Variants in DPP10 observed in about 807,000 individuals in gnomAD.
The protein encoded by DPP10 is inactive dipeptidyl peptidase 10.
A neutral mutation model predicts 120.9 loss-of-function variants in DPP10; 33 were observed. The ratio of observed to expected loss-of-function variants is 0.27; its 90% CI spans 0.21 to 0.37. DPP10 has a LOEUF of 0.37. Among genes scored for constraint, DPP10 ranks in the 10% least tolerant of loss-of-function variants. The pLI is 1.00. For synonymous variants in DPP10, 337 were observed against 326.1 expected, an observed-to-expected ratio of 1.03 and a Z score of -0.36; for missense variants, 816 against 942.8, an observed-to-expected ratio of 0.87 and a Z score of 1.76.
intron 8 of DPP10, among the ~76,000 whole-genome samples, chr2:115,728,776 C>T (rs573575274): frequency 6.6e-6 from 1 of 152,200 alleles, no homozygotes; most frequent in Non-Finnish European, 1.5e-5. Context: ...TTCATTCACT[C>T]TTTCACTCAA....
intron 1 of DPP10, among the ~76,000 whole-genome samples, chr2:114,855,997 C>T (rs1470648683): frequency 2.0e-5 from 3 of 149,000 alleles, no homozygotes; most frequent in South Asian, 2.1e-4. Context: ...CTTCAATTGT[C>T]AAATAGTTTA....
At chr2:115,227,435 A>G (rs2057488845) in intron 1 of DPP10, among the ~76,000 whole-genome samples, 1 of 152,122 alleles carries the variant, frequency 6.6e-6, no homozygotes, top group Non-Finnish European at 1.5e-5. Flanking sequence ...TGTCAACTTC[A>G]TTGAAATGTA....
intron 1 of DPP10, among the ~76,000 whole-genome samples, chr2:114,882,482 G>A (rs112845173): frequency 2.2e-3 from 325 of 147,424 alleles, no homozygotes; most frequent in African/African-American, 7.5e-3. Flanking sequence ...TAAGAATAAT[G>A]TAATGGACTT....
At chr2:114,683,946 G>C (rs1258714116) in intron 1 of DPP10, among the ~76,000 whole-genome samples, 1 of 151,970 alleles carries the variant, frequency 6.6e-6, no homozygotes, top group East Asian at 1.9e-4. Flanking sequence ...CCACATGACA[G>C]AATATAAACT....
intron 1 of DPP10, among the ~76,000 whole-genome samples, chr2:115,146,254 G>T (rs908057095): frequency 1.3e-5 from 2 of 152,046 alleles, no homozygotes; most frequent in African/African-American, 2.4e-5. Context: ...ATTCTGAATT[G>T]TAAAATATTG....
intron 5 of DPP10, among the ~76,000 whole-genome samples, chr2:115,558,755 T>C (rs1301301689): frequency 1.3e-5 from 2 of 152,214 alleles, no homozygotes; most frequent in Non-Finnish European, 2.9e-5. Context: ...TATGATATTA[T>C]ACAACTGAGG....
At chr2:114,879,413 C>T (rs1367790576) in intron 1 of DPP10, among the ~76,000 whole-genome samples, 1 of 151,976 alleles carries the variant, frequency 6.6e-6, no homozygotes, top group Non-Finnish European at 1.5e-5. Context: ...CCTATTGGAC[C>T]AATTTATCTC....
chr2:115,691,185 C>G (rs1276778694), intron 7 of DPP10, among the ~76,000 whole-genome samples: 38 of 151,924 alleles, frequency 2.5e-4, no homozygotes, highest in Non-Finnish European at 4.4e-5. Flanking sequence ...CTATCTTCAT[C>G]CAGTTTTCGG....
chr2:114,619,222 T>TGACTTTTAAGGAAAAAAAGAAGTA (rs1384339883), intron 1 of DPP10, among the ~76,000 whole-genome samples: 11 of 152,014 alleles, frequency 7.2e-5, no homozygotes, highest in Admixed American at 7.2e-4. Context: ...ATTATAAGGG[T>TGACTTTTAAGGAAAAAAAGAAGTA]GACTTTTAAG....
chr2:115,666,321 C>G (rs536244570), intron 5 of DPP10, among the ~76,000 whole-genome samples: 1 of 152,118 alleles, frequency 6.6e-6, no homozygotes. Context: ...AAAAGGGAAG[C>G]AGGCACCTTC....
chr2:115,840,772 A>T lies in DPP10; in HGVS notation c.2205A>T (p.Ser735=). Residue 735 remains serine (S), a synonymous_variant, in exon 25 of 26, where the codon TCA becomes TCT. Coordinates refer to ENST00000410059, the MANE Select transcript of DPP10 (RefSeq NM_020868.6). ...CAGCAAAAGTTCATTTCCAACACTC[A>T]GCAGAATTAATCAAGCACCTAATAA... The part of the protein sequence containing the change: ...TADTKVHFQH[S]AELIKHLIKA... 6.2e-7 allele frequency: 1 copy of T among 1,613,846 alleles called. No individual in the cohort carries two copies. Among genetic ancestry groups the T allele is most frequent in the Non-Finnish European group, 8.5e-7 (1 of 1,179,898 alleles).
At chr2:115,805,207 G>A (rs898582417) in intron 19 of DPP10, among the ~76,000 whole-genome samples, 71 of 152,194 alleles carry the variant, frequency 4.7e-4, no homozygotes, top group East Asian at 5.8e-4. Context: ...AGCGAGGCTC[G>A]GTGGGCTTAG....
intron 1 of DPP10, among the ~76,000 whole-genome samples, chr2:114,828,159 C>T (rs1408803776): frequency 1.3e-5 from 2 of 152,084 alleles, no homozygotes; most frequent in Non-Finnish European, 2.9e-5. Context: ...GGAAATAAAA[C>T]ATGGAGAACA....
chr2:115,055,622 C>A (rs149870630), intron 1 of DPP10, among the ~76,000 whole-genome samples: 4 of 152,096 alleles, frequency 2.6e-5, no homozygotes, highest in African/African-American at 4.8e-5. Flanking sequence ...ATCTCATGAG[C>A]AAACTATCTG....
intron 1 of DPP10, among the ~76,000 whole-genome samples, chr2:114,542,965 A>T (rs746552232): frequency 5.3e-5 from 8 of 152,148 alleles, no homozygotes; most frequent in Admixed American, 4.6e-4. Context: ...GCTTCATTCA[A>T]ATAAGCCCTG....
rs60126852 is a variant in DPP10 at position 114,634,374 on chromosome 2, G to GT, written c.60+191545dup. On this transcript the variant is annotated intron_variant, in intron 1 of 25. Coordinates refer to ENST00000410059, the MANE Select transcript of DPP10 (RefSeq NM_020868.6). Reference sequence around the variant, plus strand: ...TCCTTATACAGAGCCATTTTTTTAAGTTTTTTTTTATTTGTCTTTTCCTAT... The same window carrying GT: ...TCCTTATACAGAGCCATTTTTTTAAGTTTTTTTTTTATTTGTCTTTTCCTAT... Among the ~76,000 whole-genome samples, 139 of 151,174 alleles carry GT rather than the reference G, an allele frequency of 9.2e-4. 3 individuals are homozygous for GT. Among genetic ancestry groups the GT allele is most frequent in the Middle Eastern group, 3.4e-3 (1 of 292 alleles).
intron 1 of DPP10, among the ~76,000 whole-genome samples, chr2:114,666,349 A>G: frequency 6.6e-6 from 1 of 152,230 alleles, no homozygotes; most frequent in East Asian, 1.9e-4. Context: ...TATTTCTAAC[A>G]CTGATATAAT....
At chr2:114,547,349 G>C (rs2104845071) in intron 1 of DPP10, among the ~76,000 whole-genome samples, 1 of 152,314 alleles carries the variant, frequency 6.6e-6, no homozygotes, top group South Asian at 2.1e-4. Context: ...ATGCAGGCAT[G>C]GGAGGCATCG....
At chr2:114,795,071 T>C (rs892855286) in intron 1 of DPP10, among the ~76,000 whole-genome samples, 3 of 152,172 alleles carry the variant, frequency 2.0e-5, no homozygotes, top group African/African-American at 7.2e-5. Context: ...TTTTTAAACT[T>C]ATTCTTTACG....
Sources: allele counts gnomAD v4.1 joint callset (sites outside exome capture counted in the v4.1 genomes callset), GRCh38; gene constraint gnomAD v4.1.1; transcripts MANE v1.5; gene names NCBI Gene and HGNC (gene_info 2026-07-23, HGNC 2026-07-21).